The following PRIMA1 variants were observed in gnomAD, a reference collection of about 807,000 sequenced individuals.
PRIMA1 encodes proline-rich membrane anchor 1.
PRIMA1 carries 7 observed loss-of-function variants against 17.5 expected under a neutral mutation model. That is an observed-to-expected ratio of 0.40 (90% confidence interval 0.23 to 0.75). The LOEUF is 0.75. PRIMA1 is among the 30% of genes least tolerant of loss of function. PRIMA1 has a pLI of 0.37. For missense variants in PRIMA1, 200 were observed against 201.8 expected, an observed-to-expected ratio of 0.99 and a Z score of 0.05; for synonymous variants, 97 against 77.9, an observed-to-expected ratio of 1.25 and a Z score of -1.29.
chr14:93,749,674 T>A (rs1347787271), intron 3 of PRIMA1, among the ~76,000 whole-genome samples: 3 of 152,354 alleles, frequency 2.0e-5, no homozygotes, highest in Non-Finnish European at 4.4e-5. Context: ...CAATGGTATA[T>A]ATTAAACGCC....
chr14:93,739,523 T>A (rs1022360265), intron 3 of PRIMA1, among the ~76,000 whole-genome samples: 3 of 152,246 alleles, frequency 2.0e-5, no homozygotes, highest in Admixed American at 2.0e-4. Flanking sequence ...GTGGTGTGTG[T>A]ATGATAAACT....
rs2076031465 is a variant in PRIMA1 at position 93,720,649 on chromosome 14, T to C, written c.*795A>G. 6.5e-6 allele frequency: 1 copy of C among 152,718 alleles called. No homozygotes were observed. Among genetic ancestry groups the C allele is most frequent in the South Asian group, 2.1e-4 (1 of 4,836 alleles). The allele number at this position is 152,718 out of a possible 1,614,324, so 9.5% of individuals were successfully genotyped here. On this transcript the variant is annotated 3_prime_UTR_variant, in exon 5 of 5. Coordinates refer to ENST00000393140, the MANE Select transcript of PRIMA1 (RefSeq NM_178013.4). ...GCATCAGTTCCTATGGGGTCAAGTGTGGGGATGAGTCTGAGGACAGGTGCA... is the reference window on the plus strand; with the variant it reads ...GCATCAGTTCCTATGGGGTCAAGTGCGGGGATGAGTCTGAGGACAGGTGCA...
chr14:93,765,204 T>C (rs1884851024), intron 3 of PRIMA1, among the ~76,000 whole-genome samples: 1 of 151,962 alleles, frequency 6.6e-6, no homozygotes, highest in Non-Finnish European at 1.5e-5. Context: ...TGGCAGGCTC[T>C]TACAAAATGT....
chr14:93,775,147 C>T (rs1885177326), intron 3 of PRIMA1, among the ~76,000 whole-genome samples: 1 of 152,212 alleles, frequency 6.6e-6, no homozygotes, highest in African/African-American at 2.4e-5. Flanking sequence ...GAATGAGAGG[C>T]CCTTGTGAGT....
rs530544354 is a variant in PRIMA1, at chr14:93,720,843, G to A, written c.*601C>T. 6.5e-6 allele frequency: 1 copy of A among 152,696 alleles called. No individual in the cohort carries two copies. Among genetic ancestry groups the A allele is most frequent in the South Asian group, 2.1e-4 (1 of 4,838 alleles). 9.5% of individuals were successfully genotyped at this position (152,696 alleles called of 1,614,324 possible). A position where few individuals can be genotyped will look rare whatever the true frequency, so the allele number is the denominator to read the frequency against. On this transcript the variant is annotated 3_prime_UTR_variant, in exon 5 of 5. Coordinates refer to ENST00000393140, the MANE Select transcript of PRIMA1 (RefSeq NM_178013.4). ...CCATGGCAGGCAGTCAGGAGCCTAG[G>A]GTGTAGGGTGTCAGTGGGGATAGGA...
At position 93,719,763 on chromosome 14, in the gene PRIMA1, T is replaced by G. The variant is rs184258520; in HGVS notation, c.*1681A>C. 6.6e-6 allele frequency: 1 copy of G among 152,428 alleles called. No individual in the cohort carries two copies. Among genetic ancestry groups the G allele is most frequent in the East Asian group, 1.9e-4 (1 of 5,180 alleles). The allele number at this position is 152,428 out of a possible 1,614,324, so 9.4% of individuals were successfully genotyped here. A position where few individuals can be genotyped will look rare whatever the true frequency, so the allele number is the denominator to read the frequency against. ...GGGTGGCACTATGCTGATGCCCAGG[T>G]GTCCAGGGGAAGCAAAATTCAAATC... On this transcript the variant is annotated 3_prime_UTR_variant, in exon 5 of 5. Transcript: ENST00000393140.
chr14:93,771,289 C>G (rs982415034), intron 3 of PRIMA1, among the ~76,000 whole-genome samples: 2 of 152,102 alleles, frequency 1.3e-5, no homozygotes, highest in Non-Finnish European at 2.9e-5. Flanking sequence ...TCCCTTGATT[C>G]TAAAAAACAG....
chr14:93,769,564 C>T (rs566965951), intron 3 of PRIMA1, among the ~76,000 whole-genome samples: 43 of 152,344 alleles, frequency 2.8e-4, no homozygotes, highest in Admixed American at 2.4e-3. Flanking sequence ...TCGTCACAGG[C>T]TCACACTGCG....
intron 4 of PRIMA1, among the ~76,000 whole-genome samples, chr14:93,736,505 T>C (rs982344436): frequency 6.6e-6 from 1 of 152,210 alleles, no homozygotes; most frequent in Non-Finnish European, 1.5e-5. Context: ...GGCTCTGAGT[T>C]TGGGTTCTCG....
intron 4 of PRIMA1, among the ~76,000 whole-genome samples, chr14:93,727,987 C>T (rs913293471): frequency 1.4e-4 from 21 of 152,226 alleles, no homozygotes; most frequent in African/African-American, 5.1e-4. Context: ...GCCTGGTCAC[C>T]ATGGGCACTA....
intron 3 of PRIMA1, among the ~76,000 whole-genome samples, chr14:93,768,040 T>C (rs1884945337): frequency 6.6e-6 from 1 of 152,182 alleles, no homozygotes; most frequent in Admixed American, 6.5e-5. Context: ...CATTCTATGT[T>C]TTTAAATGGT....
At chr14:93,774,514 T>A (rs191319549) in intron 3 of PRIMA1, among the ~76,000 whole-genome samples, 21 of 152,348 alleles carry the variant, frequency 1.4e-4, no homozygotes, top group Non-Finnish European at 2.8e-4. Context: ...TCAACACACC[T>A]GTGGATCAAT....
chr14:93,740,279 A>C (rs1032631956), intron 3 of PRIMA1, among the ~76,000 whole-genome samples: 4 of 152,194 alleles, frequency 2.6e-5, no homozygotes, highest in African/African-American at 9.7e-5. Flanking sequence ...CCCCATGATG[A>C]ACTTGTTCAA....
At chr14:93,742,350 G>C (rs2076189402) in intron 3 of PRIMA1, among the ~76,000 whole-genome samples, 1 of 152,236 alleles carries the variant, frequency 6.6e-6, no homozygotes, top group East Asian at 1.9e-4. Flanking sequence ...AGAGTCCAGA[G>C]AGTGAACAAC....
intron 4 of PRIMA1, among the ~76,000 whole-genome samples, chr14:93,735,628 G>C (rs1449173180): frequency 6.6e-6 from 1 of 151,876 alleles, no homozygotes; most frequent in African/African-American, 2.4e-5. Flanking sequence ...TACAAAACAC[G>C]TGGGAATTGG....
chr14:93,782,459 T>C (rs893280758), intron 2 of PRIMA1, among the ~76,000 whole-genome samples: 1 of 143,188 alleles, frequency 7.0e-6, no homozygotes, highest in Non-Finnish European at 1.5e-5. Flanking sequence ...TCTCTACAAA[T>C]TTTTTTTTTT....
intron 2 of PRIMA1, among the ~76,000 whole-genome samples, chr14:93,785,455 C>T (rs1885498036): frequency 6.6e-6 from 1 of 152,124 alleles, no homozygotes; most frequent in South Asian, 2.1e-4. Flanking sequence ...ATCGACGATC[C>T]CATTAATCAT....
intron 2 of PRIMA1, among the ~76,000 whole-genome samples, chr14:93,781,912 G>A (rs1566979111): frequency 6.6e-6 from 1 of 152,164 alleles, no homozygotes; most frequent in Admixed American, 6.5e-5. Flanking sequence ...GGTCAAGGCT[G>A]CAGAGAGCCA....
intron 3 of PRIMA1, among the ~76,000 whole-genome samples, chr14:93,741,599 C>T (rs1329589602): frequency 2.0e-5 from 3 of 152,188 alleles, no homozygotes; most frequent in Non-Finnish European, 2.9e-5. Flanking sequence ...TGGTGCTAGC[C>T]GCCCCATGAA....
Sources: gnomAD v4.1 joint callset for allele counts (sites outside exome capture counted in the v4.1 genomes callset) on GRCh38, gnomAD v4.1.1 for gene constraint, MANE v1.5 for transcripts, NCBI Gene and HGNC (gene_info 2026-07-23, HGNC 2026-07-21) for gene names.